VWDE: variants seen among roughly 807,000 people sequenced by gnomAD.
The protein encoded by VWDE is von Willebrand factor D and EGF domain-containing protein.
A neutral mutation model predicts 178.4 loss-of-function variants in VWDE; 207 were observed. The observed-to-expected ratio is 1.16, with a 90% CI of 1.04 to 1.30. The LOEUF (loss-of-function observed/expected upper bound fraction) is 1.30, where lower values mean the gene tolerates loss of function less well. VWDE is among the 50% of genes most tolerant of loss of function. The pLI is 0.00. For missense variants in VWDE, 2,287 were observed against 1,901.3 expected, an observed-to-expected ratio of 1.20 and a Z score of -3.77; for synonymous variants, 738 against 651.4, an observed-to-expected ratio of 1.13 and a Z score of -2.02.
At position 12,344,259 on chromosome 7, in the gene VWDE, T is replaced by C. The variant is rs772457059; in HGVS notation, c.4014A>G (p.Gly1338=). The C allele has an allele frequency of 1.3e-6, 2 of 1,551,226 alleles. No homozygotes were observed. The highest frequency in any genetic ancestry group is 1.7e-6 in the Non-Finnish European group (2 of 1,146,636). The change falls in exon 21 of 29, where the codon GGA becomes GGG. Residue 1338 remains glycine, a synonymous_variant. Coordinates refer to ENST00000275358, the MANE Select transcript of VWDE (RefSeq NM_001135924.3). The part of the protein sequence containing the change: ...ALCDPDCKNH[G]KCIKPNICQC... ...GACAAATGTTAGGCTTAATACATTTTCCATGGTTTTTGCAATCAGGGTCAC... is the reference window on the plus strand; with the variant it reads ...GACAAATGTTAGGCTTAATACATTTCCCATGGTTTTTGCAATCAGGGTCAC...
At chr7:12,387,148 G>C (rs1276396029) in intron 3 of VWDE, among the ~76,000 whole-genome samples, 2 of 152,078 alleles carry the variant, frequency 1.3e-5, no homozygotes, top group East Asian at 3.9e-4. Context: ...TCAAAACACT[G>C]AAATAAAATT....
Position 12,369,793 on chromosome 7 carries a change from C to T in VWDE, c.2513G>A (p.Cys838Tyr), listed in dbSNP as rs1435371900. 1 of 1,551,444 alleles carries T rather than the reference C, an allele frequency of 6.4e-7. No homozygotes were observed. Among genetic ancestry groups the T allele is most frequent in the Non-Finnish European group, 8.7e-7 (1 of 1,146,910 alleles). Residue 838 changes from cysteine to tyrosine, a missense_variant, in exon 12 of 29, where the codon TGT (cysteine) becomes TAT (tyrosine). Cys to Tyr is a radical substitution (Grantham distance 194). Coordinates refer to ENST00000275358, the MANE Select transcript of VWDE (RefSeq NM_001135924.3). ...GKRLDSVIEM[C>Y]VKDVLLKDDL... ...ATCTTTTAACAGAACATCCTTCACA[C>T]ACATCTCTATAACACTGTCTAATCT...
chr7:12,356,185 G>T lies in VWDE; in HGVS notation c.3671C>A (p.Ser1224Tyr), dbSNP rs1429572819. The T allele has an allele frequency of 1.9e-6, 3 of 1,551,306 alleles. No homozygotes were observed. The highest frequency in any genetic ancestry group is 2.6e-6 in the Non-Finnish European group (3 of 1,146,952). ...ATAGCTGCCAAGACCACAAGGGTTG[G>T]ATTGGCACCCACTAATGTCCACTTC... The part of the protein sequence containing the change: ...LCEVDISGCQ[S>Y]NPCGLGSYIS... The change falls in exon 18 of 29, where the codon TCC becomes TAC. Residue 1224 changes from serine (S) to tyrosine (Y), a missense_variant. By Grantham distance (144) the Ser-to-Tyr change is moderately radical. Transcript: ENST00000275358.
chr7:12,369,584 A>G lies in VWDE; in HGVS notation c.2722T>C (p.Ser908Pro), dbSNP rs1018959313. The G allele has an allele frequency of 1.9e-6, 3 of 1,546,246 alleles. No individual in the cohort carries two copies. The highest frequency in any genetic ancestry group is 2.6e-6 in the Non-Finnish European group (3 of 1,142,830). The change falls in exon 12 of 29, where the codon TCC (serine) becomes CCC (proline). Residue 908 changes from serine (S) to proline (P), a missense_variant. Ser to Pro is a moderately conservative substitution (Grantham distance 74). Coordinates refer to ENST00000275358, the MANE Select transcript of VWDE (RefSeq NM_001135924.3). ...CAGTCATAGGAACTAAAGCTTGGGGAACACGCACACCCCCATTCCATGCAC... is the reference window on the plus strand; with the variant it reads ...CAGTCATAGGAACTAAAGCTTGGGGGACACGCACACCCCCATTCCATGCAC... Reference protein sequence around the residue: ...GQCMEWGCACSPSFSSYDCSD... With the variant: ...GQCMEWGCACPPSFSSYDCSD...
intron 26 of VWDE, 83 bp from the exon 27 acceptor site, chr7:12,336,319 A>G: frequency 1.8e-6 from 2 of 1,139,136 alleles, no homozygotes; most frequent in Non-Finnish European, 1.2e-6. Flanking sequence ...TTCATTAGAG[A>G]GAAAAAAAGA....
intron 18 of VWDE, among the ~76,000 whole-genome samples, chr7:12,352,252 G>C (rs1781983539): frequency 6.6e-6 from 1 of 152,112 alleles, no homozygotes; most frequent in Non-Finnish European, 1.5e-5. Flanking sequence ...GATCAATTTT[G>C]CCCATTTGGG....
chr7:12,389,649 A>G (rs556550807), intron 2 of VWDE, among the ~76,000 whole-genome samples: 23 of 152,324 alleles, frequency 1.5e-4, no homozygotes, highest in Admixed American at 4.6e-4. Flanking sequence ...GATCTCAGAT[A>G]CCTTACTAAA....
At chr7:12,337,853 A>G (rs1190644449) in intron 24 of VWDE, among the ~76,000 whole-genome samples, 3 of 152,156 alleles carry the variant, frequency 2.0e-5, no homozygotes, top group Non-Finnish European at 4.4e-5. Context: ...TCCTATTTGT[A>G]TAATTCTGTT....
At chr7:12,346,806 C>T (rs2128548439) in intron 19 of VWDE, among the ~76,000 whole-genome samples, 1 of 152,116 alleles carries the variant, frequency 6.6e-6, no homozygotes, top group East Asian at 1.9e-4. Context: ...GCACTGTCTT[C>T]ATGCAAAGCT....
chr7:12,379,755 A>G (rs1247598315), intron 5 of VWDE, among the ~76,000 whole-genome samples, 189 bp from the exon 6 acceptor site: 1 of 152,232 alleles, frequency 6.6e-6, no homozygotes, highest in Non-Finnish European at 1.5e-5. Flanking sequence ...GACGTATTCA[A>G]ACCTCAACAT....
Position 12,356,092 on chromosome 7 carries a change from A to G in VWDE, c.3745+19T>C. The stretch of plus-strand genomic sequence containing the variant: ...AAGGAGCTTTTCTTTCTAATTTGTT[A>G]TGAGGAGCAAAATCTTACCTTTGAG... On this transcript the variant is annotated intron_variant, in intron 18 of 28. Transcript: ENST00000275358. 2 of 1,545,658 alleles carry G rather than the reference A, an allele frequency of 1.3e-6. No homozygotes were observed. The highest frequency in any genetic ancestry group is 1.7e-6 in the Non-Finnish European group (2 of 1,143,074).
Position 12,356,110 on chromosome 7 carries a change from C to A in VWDE, c.3745+1G>T. The stretch of plus-strand genomic sequence containing the variant: ...ATTTGTTATGAGGAGCAAAATCTTA[C>A]CTTTGAGCTCAGGTGGACAATCACA... On this transcript the variant is annotated splice_donor_variant, in intron 18 of 28. Coordinates refer to ENST00000275358, the MANE Select transcript of VWDE (RefSeq NM_001135924.3). LOFTEE classifies it high-confidence loss of function. 6.4e-7 allele frequency: 1 copy of A among 1,550,600 alleles called. No homozygotes were observed. Among genetic ancestry groups the A allele is most frequent in the Non-Finnish European group, 8.7e-7 (1 of 1,146,720 alleles).
chr7:12,370,837 G>T lies in VWDE; in HGVS notation c.1615C>A (p.Arg539Ser). ...ATGCCCCATTCACCAAGATCAGCAC[G>T]GATAAATGCCCCAGAAGAAAACCAG... The part of the protein sequence containing the change: ...TIWFSSGAFI[R>S]ADLGEWGMSL... The change falls in exon 11 of 29, where the codon CGT (arginine) becomes AGT (serine). Residue 539 changes from arginine to serine, a missense_variant. Arg to Ser is a moderately radical substitution (Grantham distance 110, BLOSUM62 -1). Transcript: ENST00000275358. The T allele has an allele frequency of 6.5e-7, 1 of 1,536,430 alleles. No individual in the cohort carries two copies. Among genetic ancestry groups the T allele is most frequent in the Non-Finnish European group, 8.8e-7 (1 of 1,141,064 alleles).
intron 23 of VWDE, among the ~76,000 whole-genome samples, chr7:12,340,692 G>A (rs1048632565): frequency 1.3e-5 from 2 of 152,198 alleles, no homozygotes; most frequent in Admixed American, 6.5e-5. Flanking sequence ...TGTCCAAGAT[G>A]ACGGTGCTCC....
chr7:12,343,128 G>T lies in VWDE; in HGVS notation c.4129C>A (p.Leu1377Ile). 2 of 1,550,032 alleles carry T rather than the reference G, an allele frequency of 1.3e-6. No homozygotes were observed. The highest frequency in any genetic ancestry group is 1.7e-6 in the Non-Finnish European group (2 of 1,145,850). The change falls in exon 22 of 29, where the codon CTC (leucine) becomes ATC (isoleucine). Residue 1377 changes from leucine to isoleucine, a missense_variant. Transcript: ENST00000275358. Reference protein sequence around the residue: ...QHGGTCLAGNLCTCPYGFVGP... With the variant: ...QHGGTCLAGNICTCPYGFVGP... ...ACAAAACCATAAGGACAAGTGCAGA[G>T]ATTCCCAGCCAAGCATGTGCCACCA... is the stretch of plus-strand genomic sequence containing the variant.
intron 15 of VWDE, among the ~76,000 whole-genome samples, chr7:12,360,327 C>T (rs996324180): frequency 6.6e-6 from 1 of 151,906 alleles, no homozygotes; most frequent in South Asian, 2.1e-4. Flanking sequence ...TGGAAAATTG[C>T]ACAAAAGTTA....
At chr7:12,373,531 C>T (rs978784210) in intron 9 of VWDE, among the ~76,000 whole-genome samples, 4 of 152,012 alleles carry the variant, frequency 2.6e-5, no homozygotes, top group Non-Finnish European at 5.9e-5. Flanking sequence ...TTAAATGTCA[C>T]CCTCACCAAA....
intron 12 of VWDE, 118 bp downstream of exon 12, chr7:12,369,427 G>A: frequency 1.6e-6 from 2 of 1,277,090 alleles, no homozygotes; most frequent in Non-Finnish European, 2.1e-6. Flanking sequence ...TGATTTGGAG[G>A]TTTTCTCTAT....
At chr7:12,385,237 G>A (rs189814551) in intron 3 of VWDE, among the ~76,000 whole-genome samples, 67 of 152,062 alleles carry the variant, frequency 4.4e-4, no homozygotes, top group African/African-American at 1.5e-3. Context: ...GTGAAATTTT[G>A]CCCTCTACTA....
Sources: gnomAD v4.1 joint callset for allele counts (sites outside exome capture counted in the v4.1 genomes callset) on GRCh38, gnomAD v4.1.1 for gene constraint, MANE v1.5 for transcripts, NCBI Gene and HGNC (gene_info 2026-07-23, HGNC 2026-07-21) for gene names.